Variants in MYO1D observed in about 807,000 individuals in gnomAD.
MYO1D encodes the protein unconventional myosin-Id.
In MYO1D, 83 loss-of-function variants were observed where a neutral mutation model predicts 122.0. The ratio of observed to expected loss-of-function variants is 0.68; its 90% CI spans 0.57 to 0.82. The LOEUF is 0.82. Among genes scored for constraint, MYO1D ranks in the 40% least tolerant of loss-of-function variants. MYO1D has a pLI of 0.00. For synonymous variants in MYO1D, 464 were observed against 446.9 expected, an observed-to-expected ratio of 1.04 and a Z score of -0.48; for missense variants, 1,157 against 1,269.5, an observed-to-expected ratio of 0.91 and a Z score of 1.35.
At chr17:32,705,285 A>C (rs2089292443) in intron 16 of MYO1D, among the ~76,000 whole-genome samples, 1 of 151,874 alleles carries the variant, frequency 6.6e-6, no homozygotes, top group African/African-American at 2.4e-5. Context: ...TTTGAGATGG[A>C]GTCTCACTCT....
chr17:32,701,631 T>C (rs1693316986), intron 16 of MYO1D, among the ~76,000 whole-genome samples: 1 of 152,200 alleles, frequency 6.6e-6, no homozygotes, highest in South Asian at 2.1e-4. Flanking sequence ...GGCGCAATCA[T>C]GTCTTACTAT....
chr17:32,597,513 T>A (rs2087508383), intron 21 of MYO1D, among the ~76,000 whole-genome samples: 1 of 152,106 alleles, frequency 6.6e-6, no homozygotes, highest in African/African-American at 2.4e-5. Flanking sequence ...ATAGGAGATA[T>A]CTATATATCT....
intron 16 of MYO1D, among the ~76,000 whole-genome samples, chr17:32,677,580 A>AATATATATATAT (rs10523328): frequency 1.8e-4 from 24 of 135,886 alleles, no homozygotes; most frequent in South Asian, 2.4e-4. Flanking sequence ...TAGATAGATA[A>AATATATATATAT]ATATATATAT....
intron 21 of MYO1D, among the ~76,000 whole-genome samples, chr17:32,509,676 C>T (rs1222802988): frequency 6.6e-6 from 1 of 152,094 alleles, no homozygotes; most frequent in Non-Finnish European, 1.5e-5. Context: ...GCAACCTCCG[C>T]CTCCCAGGTT....
intron 19 of MYO1D, among the ~76,000 whole-genome samples, chr17:32,645,237 G>A (rs559705980): frequency 7.6e-4 from 116 of 152,142 alleles, no homozygotes; most frequent in Non-Finnish European, 1.1e-3. Context: ...GTTGAATATT[G>A]GCCCCCACTC....
intron 16 of MYO1D, among the ~76,000 whole-genome samples, chr17:32,666,701 ATGTTT>A (rs557390124): frequency 7.2e-5 from 11 of 151,898 alleles, no homozygotes; most frequent in African/African-American, 9.7e-5. Flanking sequence ...CTAGTTCCCC[ATGTTT>A]TGTTTTGTTT....
chr17:32,807,614 G>A (rs1000627159), intron 1 of MYO1D, among the ~76,000 whole-genome samples: 17 of 152,244 alleles, frequency 1.1e-4, no homozygotes, highest in Admixed American at 5.9e-4. Flanking sequence ...AGCTCTGCCC[G>A]GCAGGCTGTG....
chr17:32,665,405 A>G (rs1458912741), intron 16 of MYO1D, among the ~76,000 whole-genome samples: 1 of 152,182 alleles, frequency 6.6e-6, no homozygotes, highest in Non-Finnish European at 1.5e-5. Context: ...CACTGTTTGG[A>G]ACAATGCCAA....
rs1209718068 is a variant in MYO1D at position 32,722,395 on chromosome 17, T to G, written c.1747-1206A>C. ...AATGTGTCAGCAGGGTTGGTGTTTT[T>G]GGGAGCTCCAGAAGAAAACCCATTT... On this transcript the variant is annotated intron_variant, in intron 14 of 21. Transcript: ENST00000318217. Among the ~76,000 whole-genome samples the G allele has an allele frequency of 7.2e-5, 11 of 152,352 alleles. No homozygotes were observed. The East Asian group carries it at 1.7e-3, about 24-fold the overall frequency.
At chr17:32,537,682 G>A (rs1910703489) in intron 21 of MYO1D, among the ~76,000 whole-genome samples, 1 of 152,126 alleles carries the variant, frequency 6.6e-6, no homozygotes, top group East Asian at 1.9e-4. Flanking sequence ...TTAGCATAGC[G>A]GTCCATAGAG....
At chr17:32,724,887 G>C (rs998951455) in intron 14 of MYO1D, among the ~76,000 whole-genome samples, 2 of 152,022 alleles carry the variant, frequency 1.3e-5, no homozygotes, top group African/African-American at 4.8e-5. Flanking sequence ...ACATAAACTT[G>C]GGCCTCCAAT....
At chr17:32,659,522 T>A (rs1181267550) in intron 16 of MYO1D, 184 bp from the exon 17 acceptor site, 2 of 609,990 alleles carry the variant, frequency 3.3e-6, no homozygotes, top group African/African-American at 1.8e-5. Context: ...GGGAGTCACA[T>A]CAGTCATTTT....
chr17:32,517,537 C>T (rs1255498233), intron 21 of MYO1D, among the ~76,000 whole-genome samples: 1 of 152,168 alleles, frequency 6.6e-6, no homozygotes, highest in Non-Finnish European at 1.5e-5. Context: ...TGGTCAGGCT[C>T]CAACCCCAGA....
intron 21 of MYO1D, among the ~76,000 whole-genome samples, chr17:32,533,087 T>C (rs999171545): frequency 2.6e-5 from 4 of 152,200 alleles, no homozygotes; most frequent in East Asian, 1.9e-4. Flanking sequence ...TTGTCTCCTC[T>C]ACCCTCTTCT....
chr17:32,785,096 G>GT (rs2079005578), intron 1 of MYO1D, among the ~76,000 whole-genome samples: 1 of 152,146 alleles, frequency 6.6e-6, no homozygotes, highest in African/African-American at 2.4e-5. Flanking sequence ...AATTGGAGTT[G>GT]TTTCACGGGG....
chr17:32,766,280 C>A, intron 7 of MYO1D, among the ~76,000 whole-genome samples: 1 of 152,186 alleles, frequency 6.6e-6, no homozygotes. Flanking sequence ...TTATAACCAT[C>A]TACCAAATGT....
At chr17:32,510,857 C>G (rs1909669366) in intron 21 of MYO1D, 1 of 151,852 alleles carries the variant, frequency 6.6e-6, no homozygotes, top group Admixed American at 6.6e-5. Context: ...CTGACCCTGC[C>G]AAAATGCCCA....
chr17:32,794,955 A>C (rs1412909269), intron 1 of MYO1D, among the ~76,000 whole-genome samples: 3 of 152,112 alleles, frequency 2.0e-5, no homozygotes, highest in African/African-American at 7.2e-5. Context: ...GTTGGGATGG[A>C]GCAGTAGAGA....
At chr17:32,525,989 C>A (rs1200323145) in intron 21 of MYO1D, among the ~76,000 whole-genome samples, 1 of 152,196 alleles carries the variant, frequency 6.6e-6, no homozygotes, top group Non-Finnish European at 1.5e-5. Context: ...CACGCTATTC[C>A]CCACCTGGAA....
Sources: gnomAD v4.1 joint callset for allele counts (sites outside exome capture counted in the v4.1 genomes callset) on GRCh38, gnomAD v4.1.1 for gene constraint, MANE v1.5 for transcripts, NCBI Gene and HGNC (gene_info 2026-07-23, HGNC 2026-07-21) for gene names.